The following NIPBL variants were observed in gnomAD, a reference collection of about 807,000 sequenced individuals.
The protein encoded by NIPBL is NIPBL cohesin loading factor.
In NIPBL, 19 loss-of-function variants were observed where a neutral mutation model predicts 321.8. The observed-to-expected ratio is 0.06, with a 90% CI of 0.04 to 0.09. The LOEUF is 0.09. Among genes scored for constraint, NIPBL ranks in the 10% least tolerant of loss-of-function variants. The pLI is 1.00. For synonymous variants in NIPBL, 1,106 were observed against 1,114.1 expected (o/e 0.99, Z 0.14); for missense variants, 2,210 against 3,327.0 (o/e 0.66, Z 8.26).
At chr5:37,030,824 G>T (rs2149710212) in intron 32 of NIPBL, among the ~76,000 whole-genome samples, 1 of 149,872 alleles carries the variant, frequency 6.7e-6, no homozygotes, top group Non-Finnish European at 1.5e-5. Context: ...GCACCATCAT[G>T]GCCCACTGTG....
intron 1 of NIPBL, among the ~76,000 whole-genome samples, chr5:36,939,645 C>G (rs896442667): frequency 1.3e-5 from 2 of 152,116 alleles, no homozygotes; most frequent in African/African-American, 2.4e-5. Flanking sequence ...TTATAAAAAA[C>G]AGAGATTTAT....
rs201928679 is a variant in NIPBL, at chr5:36,964,747, A to G, written c.610+2473A>G. Among the ~76,000 whole-genome samples, 56 of 152,310 alleles carry G rather than the reference A, an allele frequency of 3.7e-4. No individual in the cohort carries two copies. The East Asian group carries it at 0.011, about 29-fold the overall frequency. On this transcript the variant is annotated intron_variant, in intron 6 of 46. Transcript: ENST00000282516. Reference sequence around the variant, plus strand: ...AATCAACAAAATGAAGAGACAACCTACAGAATGGGAGAAAATATTTGCAAA... The same window carrying G: ...AATCAACAAAATGAAGAGACAACCTGCAGAATGGGAGAAAATATTTGCAAA...
At chr5:36,907,780 G>T (rs777840120) in intron 1 of NIPBL, among the ~76,000 whole-genome samples, 1 of 152,060 alleles carries the variant, frequency 6.6e-6, no homozygotes, top group Non-Finnish European at 1.5e-5. Context: ...TGAGGAAAAG[G>T]TCTGAAAGTT....
At chr5:36,878,333 A>G (rs534930769) in intron 1 of NIPBL, among the ~76,000 whole-genome samples, 14 of 152,310 alleles carry the variant, frequency 9.2e-5, no homozygotes, top group Admixed American at 7.2e-4. Context: ...CTGGAGAAAA[A>G]TATCAGTTCT....
At chr5:36,963,800 T>C (rs1051669186) in intron 6 of NIPBL, among the ~76,000 whole-genome samples, 10 of 152,000 alleles carry the variant, frequency 6.6e-5, no homozygotes, top group Non-Finnish European at 1.5e-4. Context: ...AGAAAAGAAA[T>C]AGACACTTAG....
intron 32 of NIPBL, among the ~76,000 whole-genome samples, chr5:37,031,069 C>T (rs1750959097): frequency 6.6e-6 from 1 of 151,820 alleles, no homozygotes; most frequent in African/African-American, 2.4e-5. Context: ...CTGCAACCTC[C>T]GCCTCCTGGG....
At chr5:36,992,466 A>T (rs1351842165) in intron 10 of NIPBL, among the ~76,000 whole-genome samples, 1 of 152,170 alleles carries the variant, frequency 6.6e-6, no homozygotes, top group Non-Finnish European at 1.5e-5. Flanking sequence ...AATTTTAAGT[A>T]CTTGCTGTTT....
rs72734693 is a variant in NIPBL, at chr5:36,939,962, A to G, written c.-79-13656A>G. Reference sequence around the variant, plus strand: ...GAACTTTGGGGGACACGGTCAAACCATAGCACGAATAAAGCAGCTATGAAC... The same window carrying G: ...GAACTTTGGGGGACACGGTCAAACCGTAGCACGAATAAAGCAGCTATGAAC... On this transcript the variant is annotated intron_variant, in intron 1 of 46. Transcript: ENST00000282516. Among the ~76,000 whole-genome samples the G allele has an allele frequency of 7.6e-3, 1,161 of 152,312 alleles. 11 individuals are homozygous for G. The highest frequency in any genetic ancestry group is 0.013 in the Non-Finnish European group (855 of 68,026).
At position 37,034,071 on chromosome 5, in the gene NIPBL, T is replaced by C. The variant is rs184583167; in HGVS notation, c.5863-2308T>C. ...AACCAGTGTAAGTCAAGAGTCCCAG[T>C]AGAAAAATAGGTAAAGTTAATTAAT... On this transcript the variant is annotated intron_variant, in intron 32 of 46. Transcript: ENST00000282516. 9.2e-5 allele frequency among the ~76,000 whole-genome samples: 14 copies of C among 151,916 alleles called. No homozygotes were observed. The East Asian group carries it at 2.5e-3, about 27-fold the overall frequency.
intron 1 of NIPBL, among the ~76,000 whole-genome samples, chr5:36,914,607 G>A (rs1003449842): frequency 1.3e-5 from 2 of 152,102 alleles, no homozygotes; most frequent in Non-Finnish European, 2.9e-5. Context: ...TTAGACTTGG[G>A]TCCCATCTAC....
chr5:37,028,935 A>C lies in NIPBL; in HGVS notation c.5862+1523A>C, dbSNP rs535046901. Among the ~76,000 whole-genome samples the C allele has an allele frequency of 2.6e-5, 4 of 152,222 alleles. 1 individual carries two copies. Among genetic ancestry groups the C allele is most frequent in the Middle Eastern group, 6.8e-3 (2 of 294 alleles). On this transcript the variant is annotated intron_variant, in intron 32 of 46. Transcript: ENST00000282516. ...TATGTTTTTCTGTAGAATCTCCCAC[A>C]TTCTGGATTTAATAGTCCACTTTTT...
intron 1 of NIPBL, among the ~76,000 whole-genome samples, chr5:36,897,620 C>G (rs1429759441): frequency 3.3e-5 from 5 of 152,108 alleles, no homozygotes; most frequent in African/African-American, 1.2e-4. Context: ...ACGATATCCA[C>G]TAAAAACTAT....
intron 2 of NIPBL, among the ~76,000 whole-genome samples, chr5:36,954,399 A>C (rs1209863122): frequency 6.6e-6 from 1 of 152,134 alleles, no homozygotes; most frequent in African/African-American, 2.4e-5. Context: ...GTGGGGTAAA[A>C]TAGATAACAG....
At chr5:36,893,679 A>G (rs1312079128) in intron 1 of NIPBL, among the ~76,000 whole-genome samples, 1 of 152,108 alleles carries the variant, frequency 6.6e-6, no homozygotes, top group Non-Finnish European at 1.5e-5. Flanking sequence ...ATGGCTACCT[A>G]AAAGATCTCT....
chr5:36,991,031 G>T (rs41364149), intron 10 of NIPBL, among the ~76,000 whole-genome samples: 2 of 151,762 alleles, frequency 1.3e-5, no homozygotes, highest in Non-Finnish European at 2.9e-5. Flanking sequence ...CTTTACAAGG[G>T]CCTGATGTGA....
At chr5:36,919,236 G>A (rs899331697) in intron 1 of NIPBL, among the ~76,000 whole-genome samples, 1 of 152,104 alleles carries the variant, frequency 6.6e-6, no homozygotes, top group African/African-American at 2.4e-5. Context: ...AAAAGAGAGG[G>A]CATTTTACTA....
intron 29 of NIPBL, 94 bp from the exon 30 acceptor site, chr5:37,024,491 T>C (rs1225258575): frequency 2.0e-5 from 20 of 1,008,954 alleles, no homozygotes; most frequent in Non-Finnish European, 3.0e-5. Flanking sequence ...TGTTAACAAA[T>C]AGTGAATATA....
Position 36,886,354 on chromosome 5 carries a change from CT to C in NIPBL, c.-80+9178del, listed in dbSNP as rs1745905969. The C allele has an allele frequency of 5.6e-6, 4 of 710,790 alleles. No individual in the cohort carries two copies. The Admixed American group carries it at 7.6e-5, about 13-fold the overall frequency. The allele number at this position is 710,790 out of a possible 1,614,324, so 44.0% of individuals were successfully genotyped here. ...TGAGAGCGCCACCTGCCACCGCCTGCTTGAAGATGGCAAGAACTTCAGTCTT... is the reference window on the plus strand; with the variant it reads ...TGAGAGCGCCACCTGCCACCGCCTGCTGAAGATGGCAAGAACTTCAGTCTT... On this transcript the variant is annotated intron_variant, in intron 1 of 46. Transcript: ENST00000282516.
intron 1 of NIPBL, among the ~76,000 whole-genome samples, chr5:36,887,427 G>A (rs757568241): frequency 2.6e-5 from 4 of 152,174 alleles, no homozygotes; most frequent in Non-Finnish European, 4.4e-5. Flanking sequence ...AATGATTAAA[G>A]TTAGAAAAGC....
Sources: allele counts gnomAD v4.1 joint callset (sites outside exome capture counted in the v4.1 genomes callset), GRCh38; gene constraint gnomAD v4.1.1; transcripts MANE v1.5; gene names NCBI Gene and HGNC (gene_info 2026-07-23, HGNC 2026-07-21).